LRRC4C: variants seen among roughly 807,000 people sequenced by gnomAD.
LRRC4C encodes leucine-rich repeat-containing protein 4C.
Under a neutral mutation model 33.6 loss-of-function variants are expected in LRRC4C, and 5 were observed. The ratio of observed to expected loss-of-function variants is 0.15; its 90% CI spans 0.08 to 0.31. The LOEUF (loss-of-function observed/expected upper bound fraction) is 0.31, where lower values mean the gene tolerates loss of function less well. Ranked by LOEUF, LRRC4C falls within the 10% of genes least tolerant of loss-of-function variation. LRRC4C has a pLI of 1.00. For synonymous variants in LRRC4C, 329 were observed against 302.0 expected (o/e 1.09, Z -0.93); for missense variants, 560 against 796.7 (o/e 0.70, Z 3.58).
At chr11:40,171,153 T>TA (rs879272170) in intron 5 of LRRC4C, among the ~76,000 whole-genome samples, 3 of 151,988 alleles carry the variant, frequency 2.0e-5, no homozygotes, top group Non-Finnish European at 2.9e-5. Flanking sequence ...GAAAAACTCA[T>TA]AAAAAAAGGT....
chr11:40,431,719 G>A (rs765612448), intron 3 of LRRC4C, among the ~76,000 whole-genome samples: 6 of 152,244 alleles, frequency 3.9e-5, no homozygotes, highest in East Asian at 3.9e-4. Context: ...TTTTCTCATA[G>A]CAATACCAGC....
chr11:40,236,638 C>T (rs576134032), intron 5 of LRRC4C, among the ~76,000 whole-genome samples: 18 of 152,184 alleles, frequency 1.2e-4, no homozygotes, highest in Admixed American at 9.8e-4. Context: ...GAGGCACCCC[C>T]CTCCCCCAGC....
chr11:40,305,748 T>C (rs1944997973), intron 4 of LRRC4C, among the ~76,000 whole-genome samples: 2 of 152,190 alleles, frequency 1.3e-5, no homozygotes, highest in Non-Finnish European at 1.5e-5. Context: ...GTGACTTTGG[T>C]AAGTTATTTA....
chr11:40,656,225 T>C lies in LRRC4C; in HGVS notation c.-406-7947A>G, dbSNP rs540784177. On this transcript the variant is annotated intron_variant, in intron 2 of 6. Transcript: ENST00000528697. ...CAGATTCCGTACTGTTTTTCTTTTTTTTTTTGTCCACTCATCTCTAATCCT... is the reference window on the plus strand; with the variant it reads ...CAGATTCCGTACTGTTTTTCTTTTTCTTTTTGTCCACTCATCTCTAATCCT... Among the ~76,000 whole-genome samples the C allele has an allele frequency of 5.3e-5, 8 of 152,234 alleles. No homozygotes were observed. In the South Asian group the frequency reaches 1.5e-3, roughly 28 times the overall value.
At chr11:41,423,058 T>C (rs887063267) in intron 1 of LRRC4C, among the ~76,000 whole-genome samples, 5 of 152,114 alleles carry the variant, frequency 3.3e-5, no homozygotes, top group Non-Finnish European at 7.4e-5. Context: ...AACATGTCGG[T>C]TAATAGGTAC....
chr11:40,148,893 G>T (rs1857962630), intron 5 of LRRC4C, among the ~76,000 whole-genome samples: 1 of 152,082 alleles, frequency 6.6e-6, no homozygotes, highest in African/African-American at 2.4e-5. Flanking sequence ...TGAATCTTTT[G>T]CATATGGCTA....
chr11:40,403,384 A>G (rs1949836113), intron 3 of LRRC4C, among the ~76,000 whole-genome samples: 1 of 152,062 alleles, frequency 6.6e-6, no homozygotes, highest in African/African-American at 2.4e-5. Flanking sequence ...CTAGAAAATA[A>G]TCTTCTTTCA....
chr11:41,007,044 T>C (rs1014543447), intron 1 of LRRC4C, among the ~76,000 whole-genome samples: 1 of 152,146 alleles, frequency 6.6e-6, no homozygotes, highest in Non-Finnish European at 1.5e-5. Flanking sequence ...TTTCATAACT[T>C]CATCTCTAGT....
chr11:41,318,741 G>T (rs1950868452), intron 1 of LRRC4C, among the ~76,000 whole-genome samples: 1 of 151,908 alleles, frequency 6.6e-6, no homozygotes, highest in Admixed American at 6.6e-5. Context: ...TTATATATTT[G>T]TGTGTCTGTG....
chr11:41,275,614 T>C (rs1237450128), intron 1 of LRRC4C, among the ~76,000 whole-genome samples: 1 of 152,180 alleles, frequency 6.6e-6, no homozygotes, highest in African/African-American at 2.4e-5. Context: ...AAATGGCCTT[T>C]GGCCCTACAG....
chr11:40,284,626 C>G (rs1206281289), intron 4 of LRRC4C, among the ~76,000 whole-genome samples: 25 of 152,066 alleles, frequency 1.6e-4, no homozygotes, highest in Non-Finnish European at 2.9e-5. Flanking sequence ...GAGAGAAACG[C>G]TAGAATCTGG....
intron 1 of LRRC4C, among the ~76,000 whole-genome samples, chr11:41,157,228 G>A (rs1419780357): frequency 6.6e-6 from 1 of 152,010 alleles, no homozygotes; most frequent in Non-Finnish European, 1.5e-5. Flanking sequence ...TTCCAGACAG[G>A]GGAAGATAAG....
At chr11:41,031,096 T>C (rs1364713130) in intron 1 of LRRC4C, among the ~76,000 whole-genome samples, 1 of 151,962 alleles carries the variant, frequency 6.6e-6, no homozygotes, top group Non-Finnish European at 1.5e-5. Context: ...AGAAAACTCA[T>C]GCTATTGCTT....
At chr11:40,824,450 T>C (rs1591813811) in intron 2 of LRRC4C, among the ~76,000 whole-genome samples, 2 of 151,878 alleles carry the variant, frequency 1.3e-5, no homozygotes, top group Admixed American at 1.3e-4. Context: ...GTTTCATCCA[T>C]ATGTAAAATA....
chr11:40,213,903 G>A (rs1225812099), intron 5 of LRRC4C, among the ~76,000 whole-genome samples: 1 of 151,934 alleles, frequency 6.6e-6, no homozygotes, highest in Non-Finnish European at 1.5e-5. Flanking sequence ...ATGGTAGATC[G>A]TATGATCCCA....
intron 3 of LRRC4C, among the ~76,000 whole-genome samples, chr11:40,398,936 G>A (rs76745733): frequency 0.039 from 5,925 of 152,098 alleles, 372 homozygotes; most frequent in African/African-American, 0.13. Flanking sequence ...CCCTTGGTGC[G>A]TTAAAGCTGC....
At chr11:40,578,970 G>T (rs1229423941) in intron 3 of LRRC4C, among the ~76,000 whole-genome samples, 1 of 152,170 alleles carries the variant, frequency 6.6e-6, no homozygotes, top group Non-Finnish European at 1.5e-5. Flanking sequence ...AAATTCCTTA[G>T]ATAACTCTTA....
intron 1 of LRRC4C, among the ~76,000 whole-genome samples, chr11:41,334,861 GAAACAAACAAACAAAC>G (rs149848168): frequency 2.7e-5 from 4 of 150,748 alleles, no homozygotes; most frequent in Non-Finnish European, 5.9e-5. Context: ...TCCAAAGAAC[GAAACAAACAAACAAAC>G]AAACAAACAA....
rs1255171730 is a variant in LRRC4C, at chr11:40,645,471, C to T, written c.-270+2671G>A. On this transcript the variant is annotated intron_variant, in intron 3 of 6. Coordinates refer to ENST00000528697, the MANE Select transcript of LRRC4C (RefSeq NM_001258419.2). ...CTCCCTGTTTGCCAATACAGGGATA[C>T]AGAGGGAGAATAGAAGCTTGAGAGG... 3.3e-5 allele frequency among the ~76,000 whole-genome samples: 5 copies of T among 152,130 alleles called. 1 individual carries two copies. In the South Asian group the frequency reaches 8.3e-4, roughly 25 times the overall value.
Sources: gnomAD v4.1 joint callset for allele counts (sites outside exome capture counted in the v4.1 genomes callset) on GRCh38, gnomAD v4.1.1 for gene constraint, MANE v1.5 for transcripts, NCBI Gene and HGNC (gene_info 2026-07-23, HGNC 2026-07-21) for gene names.